NF2: variants seen among roughly 807,000 people sequenced by gnomAD.
The protein encoded by NF2 is NF2, moesin-ezrin-radixin like (MERLIN) tumor suppressor.
In NF2, 8 loss-of-function variants were observed where a neutral mutation model predicts 83.7. The ratio of observed to expected loss-of-function variants is 0.10; its 90% CI spans 0.06 to 0.17. NF2 has a LOEUF of 0.17. Among genes scored for constraint, NF2 ranks in the 10% least tolerant of loss-of-function variants. NF2 has a pLI of 1.00. For synonymous variants in NF2, 266 were observed against 269.6 expected, an observed-to-expected ratio of 0.99 and a Z score of 0.13; for missense variants, 533 against 744.4, an observed-to-expected ratio of 0.72 and a Z score of 3.31.
chr22:29,658,364 CT>C, intron 7 of NF2, 100 bp downstream of exon 7: 1 of 1,021,466 alleles, frequency 9.8e-7, no homozygotes, highest in African/African-American at 1.6e-5. Context: ...GCGATAGACT[CT>C]TTTATGGTTC....
chr22:29,645,784 A>G (rs777110965), intron 4 of NF2, among the ~76,000 whole-genome samples: 10 of 152,324 alleles, frequency 6.6e-5, no homozygotes, highest in Middle Eastern at 3.4e-3. Context: ...GAACCAGCAG[A>G]TGTTTGCTTA....
At chr22:29,631,835 G>A (rs2065519624) in intron 1 of NF2, among the ~76,000 whole-genome samples, 1 of 152,178 alleles carries the variant, frequency 6.6e-6, no homozygotes, top group African/African-American at 2.4e-5. Context: ...TATCCCCTTT[G>A]CAAAGCACAA....
In NF2 at chr22:29,694,763, G is replaced by A. The variant is rs201911915; in HGVS notation, c.1749G>A (p.Gln583=). The A allele has an allele frequency of 1.2e-4, 194 of 1,613,790 alleles. No individual in the cohort carries two copies. Among genetic ancestry groups the A allele is most frequent in the Non-Finnish European group, 1.1e-4 (132 of 1,179,924 alleles). Residue 583 remains glutamine, a synonymous_variant, in exon 16 of 16, where the codon CAG becomes CAA. Coordinates refer to ENST00000338641, the MANE Select transcript of NF2 (RefSeq NM_000268.4). This position sits in a 1 kb window ranked among gnomAD's most constrained non-coding sequence, Gnocchi z 4.1. ...CTGCTTTCTTACAGCTCACCTTGCA[G>A]AGCGCCAAGTCCCGAGTGGCCTTCT... ...KHNTIKKLTL[Q]SAKSRVAFFE... is the part of the protein sequence containing the mutation.
Position 29,678,217 on chromosome 22 carries a change from C to T in NF2, c.1468C>T (p.Pro490Ser), listed in dbSNP as rs776076922. Residue 490 changes from proline to serine, a missense_variant, in exon 14 of 16, where the codon CCG becomes TCG. By Grantham distance (74) the Pro-to-Ser change is moderately conservative (BLOSUM62 -1). Coordinates refer to ENST00000338641, the MANE Select transcript of NF2 (RefSeq NM_000268.4). ...ACAGCCCATGAACCCAATTCCAGCACCGTTGCCTCCTGACATACCAAGCTT... is the reference window on the plus strand; with the variant it reads ...ACAGCCCATGAACCCAATTCCAGCATCGTTGCCTCCTGACATACCAAGCTT... ...TYPPMNPIPA[P>S]LPPDIPSFNL... 1.4e-5 allele frequency: 23 copies of T among 1,614,150 alleles called. No individual in the cohort carries two copies. Among genetic ancestry groups the T allele is most frequent in the Non-Finnish European group, 1.9e-5 (22 of 1,180,008 alleles).
chr22:29,668,268 T>G, intron 9 of NF2, 65 bp from the exon 10 acceptor site: 1 of 1,160,432 alleles, frequency 8.6e-7, no homozygotes, highest in Non-Finnish European at 1.3e-6. Flanking sequence ...ATGGCACTAG[T>G]GGGCCAGTAG....
Position 29,695,318 on chromosome 22 carries a change from T to A in NF2, c.*516T>A. ...CAGCACGCCTGCCGGCTTCTCATCGTCAGGGAGCCCGCCCAGAGCTCGTGA... is the reference window on the plus strand; with the variant it reads ...CAGCACGCCTGCCGGCTTCTCATCGACAGGGAGCCCGCCCAGAGCTCGTGA... On this transcript the variant is annotated 3_prime_UTR_variant, in exon 16 of 16. Coordinates refer to ENST00000338641, the MANE Select transcript of NF2 (RefSeq NM_000268.4). This position sits in a 1 kb window ranked among gnomAD's most constrained non-coding sequence, Gnocchi z 5.4. The A allele has an allele frequency of 3.6e-6, 1 of 274,450 alleles. No homozygotes were observed. The highest frequency in any genetic ancestry group is 7.1e-6 in the Non-Finnish European group (1 of 141,606). The allele number at this position is 274,450 out of a possible 1,614,324, so 17.0% of individuals were successfully genotyped here. A position where few individuals can be genotyped will look rare whatever the true frequency, so the allele number is the denominator to read the frequency against.
chr22:29,610,743 A>G (rs531111784), intron 1 of NF2, among the ~76,000 whole-genome samples: 20 of 152,174 alleles, frequency 1.3e-4, no homozygotes, highest in Admixed American at 4.6e-4. Context: ...CAAACATTTC[A>G]AGAAAAATTA....
chr22:29,678,461 A>C, intron 14 of NF2, 138 bp downstream of exon 14: 1 of 951,236 alleles, frequency 1.1e-6, no homozygotes, highest in South Asian at 1.4e-5. Context: ...CTGCTCTTAC[A>C]CCCTGGAGGA....
At position 29,636,573 on chromosome 22, in the gene NF2, G is replaced by C. The variant is rs759100627; in HGVS notation, c.115-178G>C. Among the ~76,000 whole-genome samples the C allele has an allele frequency of 6.6e-6, 1 of 152,196 alleles. No homozygotes were observed. ...TGATTAAGCCATTAAGCTCTAATTG[G>C]TATTTTCCCACTCATGGGTTTGTAA... On this transcript the variant is annotated intron_variant, in intron 1 of 15. Transcript: ENST00000338641. This position sits in a 1 kb window ranked among gnomAD's most constrained non-coding sequence, Gnocchi z 4.4.
intron 15 of NF2, among the ~76,000 whole-genome samples, chr22:29,693,307 G>C (rs991233241): frequency 6.6e-6 from 1 of 152,160 alleles, no homozygotes; most frequent in African/African-American, 2.4e-5. Flanking sequence ...TTTCCAAAGG[G>C]CTCTGAAATT....
intron 1 of NF2, among the ~76,000 whole-genome samples, chr22:29,610,685 A>G (rs1251165180): frequency 6.6e-6 from 1 of 151,876 alleles, no homozygotes; most frequent in Non-Finnish European, 1.5e-5. Flanking sequence ...AGCAAAGCCC[A>G]GGCCTGTACC....
chr22:29,675,946 C>T (rs16987915), intron 13 of NF2, among the ~76,000 whole-genome samples: 4,143 of 152,138 alleles, frequency 0.027, 198 homozygotes, highest in African/African-American at 0.094. Flanking sequence ...TTGCTGTTGC[C>T]GTATATCCCG....
chr22:29,686,010 G>T (rs2067262384), intron 15 of NF2, among the ~76,000 whole-genome samples: 1 of 151,656 alleles, frequency 6.6e-6, no homozygotes, highest in South Asian at 2.1e-4. Flanking sequence ...CAACGTGCAG[G>T]TTTGTTACAT....
chr22:29,688,830 A>G (rs2067330255), intron 15 of NF2, among the ~76,000 whole-genome samples: 1 of 152,214 alleles, frequency 6.6e-6, no homozygotes, highest in African/African-American at 2.4e-5. Flanking sequence ...TAGTGCTCCC[A>G]CTGTGCACAT....
chr22:29,627,411 G>T (rs1037376057), intron 1 of NF2, among the ~76,000 whole-genome samples: 1 of 152,142 alleles, frequency 6.6e-6, no homozygotes, highest in Non-Finnish European at 1.5e-5. Context: ...GGACTGTATT[G>T]CTTTCATAGC....
chr22:29,623,847 C>A (rs1343742558), intron 1 of NF2, among the ~76,000 whole-genome samples: 3 of 152,190 alleles, frequency 2.0e-5, no homozygotes, highest in African/African-American at 7.2e-5. Context: ...TCCCCCAGGC[C>A]TCAGTTCTTC....
At position 29,656,358 on chromosome 22, in the gene NF2, A is replaced by C. The variant is rs369996275; in HGVS notation, c.599+682A>C. The stretch of plus-strand genomic sequence containing the variant: ...ACTTTTACAAAAATTTCTGCAGTGC[A>C]CAATCTTTTATTTTTATACAATTGT... On this transcript the variant is annotated intron_variant, in intron 6 of 15. Transcript: ENST00000338641. Among the ~76,000 whole-genome samples, 104 of 151,402 alleles carry C rather than the reference A, an allele frequency of 6.9e-4. 2 individuals carry two copies. The South Asian group carries it at 0.021, about 31-fold the overall frequency.
At chr22:29,608,448 CA>C (rs2064863154) in intron 1 of NF2, among the ~76,000 whole-genome samples, 1 of 151,178 alleles carries the variant, frequency 6.6e-6, no homozygotes, top group South Asian at 2.1e-4. Context: ...GTGGGTGGAT[CA>C]CCTGAGGTCA....
chr22:29,646,679 A>G (rs1268178799), intron 4 of NF2, among the ~76,000 whole-genome samples: 1 of 152,238 alleles, frequency 6.6e-6, no homozygotes, highest in Non-Finnish European at 1.5e-5. Context: ...AATTACCCTC[A>G]AAGTATAAAT....
Sources: allele counts gnomAD v4.1 joint callset (sites outside exome capture counted in the v4.1 genomes callset), GRCh38; gene constraint gnomAD v4.1.1; non-coding constraint Gnocchi (gnomAD v3.1); transcripts MANE v1.5; gene names NCBI Gene and HGNC (gene_info 2026-07-23, HGNC 2026-07-21).